The following RAPGEF2 variants were observed in gnomAD, a reference collection of about 807,000 sequenced individuals.
The protein encoded by RAPGEF2 is Rap guanine nucleotide exchange factor 2.
RAPGEF2 carries 54 observed loss-of-function variants against 186.7 expected under a neutral mutation model. That is an observed-to-expected ratio of 0.29 (90% confidence interval 0.23 to 0.36). The LOEUF (loss-of-function observed/expected upper bound fraction) is 0.36. Ranked by LOEUF, RAPGEF2 falls within the 10% of genes least tolerant of loss-of-function variation. The pLI is 1.00. For missense variants in RAPGEF2, 1,532 were observed against 2,045.0 expected (o/e 0.75, Z 4.84); for synonymous variants, 712 against 705.9 (o/e 1.01, Z -0.14).
intron 7 of RAPGEF2, among the ~76,000 whole-genome samples, chr4:159,296,900 A>G (rs185973538): frequency 1.3e-5 from 2 of 152,320 alleles, no homozygotes; most frequent in East Asian, 3.9e-4. Flanking sequence ...AAACCCTCCT[A>G]AAAGTATTTG....
intron 7 of RAPGEF2, among the ~76,000 whole-genome samples, chr4:159,250,325 A>T (rs537049892): frequency 9.2e-4 from 140 of 152,316 alleles, no homozygotes; most frequent in Middle Eastern, 3.4e-3. Context: ...GGAAAAATAA[A>T]AATAATAATA....
chr4:159,332,390 A>G, intron 16 of RAPGEF2, 61 bp from the exon 17 acceptor site: 11 of 1,514,504 alleles, frequency 7.3e-6, no homozygotes, highest in Non-Finnish European at 9.9e-6. Flanking sequence ...CAATTGCCTT[A>G]GAATTGTTCA....
At chr4:159,177,546 C>T (rs7693222) in intron 1 of RAPGEF2, among the ~76,000 whole-genome samples, 72,781 of 152,010 alleles carry the variant, frequency 0.48, 19,052 homozygotes, top group African/African-American at 0.7. Flanking sequence ...TTGAACTCTG[C>T]CCATCTGACT....
At chr4:159,229,400 T>G (rs1030329038) in intron 4 of RAPGEF2, 2 of 152,220 alleles carry the variant, frequency 1.3e-5, no homozygotes, top group Non-Finnish European at 2.9e-5. Context: ...AAGCTCACAC[T>G]GGCAGAAAGT....
intron 7 of RAPGEF2, among the ~76,000 whole-genome samples, chr4:159,257,160 C>T (rs1323982490): frequency 6.6e-6 from 1 of 152,014 alleles, no homozygotes; most frequent in Non-Finnish European, 1.5e-5. Flanking sequence ...ATGGCATTGT[C>T]TAGATTTTCT....
intron 4 of RAPGEF2, among the ~76,000 whole-genome samples, chr4:159,233,405 ACT>A (rs1246941956): frequency 1.3e-5 from 2 of 152,114 alleles, no homozygotes; most frequent in East Asian, 1.9e-4. Context: ...TTTGTTGAAG[ACT>A]CTGTTCTTCT....
In RAPGEF2 at chr4:159,338,254, T is replaced by G. The variant is rs71609037; in HGVS notation, c.2136-57T>G. The G allele has an allele frequency of 0.031, 45,822 of 1,493,872 alleles. 1,094 individuals are homozygous for G. Among genetic ancestry groups the G allele is most frequent in the Middle Eastern group, 0.086 (493 of 5,742 alleles). The allele number at this position is 1,493,872 out of a possible 1,614,324, so 92.5% of individuals were successfully genotyped here. A position where few individuals can be genotyped will look rare whatever the true frequency, so the allele number is the denominator to read the frequency against. On this transcript the variant is annotated intron_variant, in intron 17 of 29. Coordinates refer to ENST00000691494, the MANE Select transcript of RAPGEF2 (RefSeq NM_001394067.2). Reference sequence around the variant, plus strand: ...TTTTTGGTCTGTGTTTATTATATAGTGATGATGTACAACTTTTTAACTTGT... The same window carrying G: ...TTTTTGGTCTGTGTTTATTATATAGGGATGATGTACAACTTTTTAACTTGT...
At chr4:159,208,015 T>C (rs1310465696) in intron 3 of RAPGEF2, among the ~76,000 whole-genome samples, 1 of 152,232 alleles carries the variant, frequency 6.6e-6, no homozygotes, top group African/African-American at 2.4e-5. Flanking sequence ...ATTTTCACTT[T>C]AGAAATCTTT....
chr4:159,131,260 GC>G (rs1741037527), intron 1 of RAPGEF2, among the ~76,000 whole-genome samples: 1 of 152,074 alleles, frequency 6.6e-6, no homozygotes, highest in African/African-American at 2.4e-5. Flanking sequence ...ACAGGCATAT[GC>G]CACCACACCC....
chr4:159,208,140 G>T (rs1235829402), intron 3 of RAPGEF2, among the ~76,000 whole-genome samples: 7 of 139,718 alleles, frequency 5.0e-5, no homozygotes, highest in Admixed American at 1.4e-4. Context: ...GAATGGACTT[G>T]GGGGGAAAGA....
intron 7 of RAPGEF2, among the ~76,000 whole-genome samples, chr4:159,276,318 T>A (rs996753426): frequency 2.8e-4 from 43 of 152,206 alleles, no homozygotes; most frequent in Non-Finnish European, 4.7e-4. Flanking sequence ...AAAGTATACT[T>A]TTGTTCATTT....
intron 1 of RAPGEF2, among the ~76,000 whole-genome samples, chr4:159,176,848 A>AT (rs1009154381): frequency 3.3e-5 from 5 of 152,068 alleles, no homozygotes; most frequent in Admixed American, 6.6e-5. Context: ...TGCATGCAGA[A>AT]TTTTTTTTAA....
At chr4:159,110,246 A>T (rs1738341629) in intron 1 of RAPGEF2, among the ~76,000 whole-genome samples, 1 of 152,194 alleles carries the variant, frequency 6.6e-6, no homozygotes, top group Non-Finnish European at 1.5e-5. Flanking sequence ...AATGTCTTCT[A>T]CTACATGTAC....
Position 159,353,645 on chromosome 4 carries a change from C to T in RAPGEF2, c.4250C>T (p.Ser1417Phe). The T allele has an allele frequency of 6.3e-7, 1 of 1,592,522 alleles. No homozygotes were observed. Among genetic ancestry groups the T allele is most frequent in the Non-Finnish European group, 8.5e-7 (1 of 1,171,028 alleles). ...AGCTGGACGTCATGCTCAAGTGGCT[C>T]CCATGATAATATACAGACGATCCAG... is the stretch of plus-strand genomic sequence containing the variant. ...RGSWTSCSSGSHDNIQTIQHQ... is the reference protein window; with the variant it reads ...RGSWTSCSSGFHDNIQTIQHQ... Residue 1417 changes from serine (S) to phenylalanine (F), a missense_variant, in exon 28 of 30, where the codon TCC (serine) becomes TTC (phenylalanine). Around this residue, in one of 4 missense-constraint regions of RAPGEF2, gnomAD observed 594 missense variants for 608.5 expected, o/e 0.98. Transcript: ENST00000691494. The surrounding 1 kb of genome is among the most constrained non-coding windows in gnomAD (Gnocchi z 4.3).
chr4:159,235,331 T>A (rs1025637740), intron 4 of RAPGEF2, among the ~76,000 whole-genome samples: 2 of 152,122 alleles, frequency 1.3e-5, no homozygotes, highest in African/African-American at 4.8e-5. Context: ...ATTCAAAGAC[T>A]TCGTTTTTAT....
chr4:159,353,385 G>A lies in RAPGEF2; in HGVS notation c.4092-102G>A, dbSNP rs1203918704. ...CTTTTATCCTGTTTCTGGGATGAAA[G>A]CAAGCTACCTTTCTAGGAAAAAGGG... On this transcript the variant is annotated intron_variant, in intron 27 of 29. Coordinates refer to ENST00000691494, the MANE Select transcript of RAPGEF2 (RefSeq NM_001394067.2). This position sits in a 1 kb window ranked among gnomAD's most constrained non-coding sequence, Gnocchi z 4.3. The A allele has an allele frequency of 3.1e-6, 3 of 952,724 alleles. No individual in the cohort carries two copies. Among genetic ancestry groups the A allele is most frequent in the Non-Finnish European group, 4.3e-6 (3 of 691,148 alleles). 59.0% of individuals were successfully genotyped at this position (952,724 alleles called of 1,614,324 possible).
At chr4:159,125,415 G>C in intron 1 of RAPGEF2, among the ~76,000 whole-genome samples, 1 of 152,032 alleles carries the variant, frequency 6.6e-6, no homozygotes, top group Non-Finnish European at 1.5e-5. Context: ...AATGTGCTAT[G>C]GAGTTTTTTT....
intron 8 of RAPGEF2, among the ~76,000 whole-genome samples, chr4:159,309,572 T>G (rs977004111): frequency 6.6e-6 from 1 of 152,170 alleles, no homozygotes; most frequent in Middle Eastern, 3.2e-3. Flanking sequence ...TGAGTGAAGA[T>G]CCTTCTTAAG....
chr4:159,163,745 T>C (rs1180041014), intron 1 of RAPGEF2, among the ~76,000 whole-genome samples: 1 of 152,182 alleles, frequency 6.6e-6, no homozygotes, highest in Non-Finnish European at 1.5e-5. Context: ...GTCCTTACTG[T>C]GTGCTAGAGA....
Sources: gnomAD v4.1 joint callset for allele counts (sites outside exome capture counted in the v4.1 genomes callset) on GRCh38, gnomAD v4.1.1 for gene constraint, gnomAD v4.1.1 regional missense constraint, Gnocchi (gnomAD v3.1) non-coding constraint, MANE v1.5 for transcripts, NCBI Gene and HGNC (gene_info 2026-07-23, HGNC 2026-07-21) for gene names.